LRRC4C: variants seen among roughly 807,000 people sequenced by gnomAD.
The protein encoded by LRRC4C is leucine-rich repeat-containing protein 4C.
Under a neutral mutation model 33.6 loss-of-function variants are expected in LRRC4C, and 5 were observed. The ratio of observed to expected loss-of-function variants is 0.15; its 90% CI spans 0.08 to 0.31. LRRC4C has a LOEUF of 0.31. LRRC4C is among the 10% of genes least tolerant of loss of function. The pLI is 1.00. For missense variants in LRRC4C, 560 were observed against 796.7 expected, an observed-to-expected ratio of 0.70 and a Z score of 3.58; for synonymous variants, 329 against 302.0, an observed-to-expected ratio of 1.09 and a Z score of -0.93.
Position 41,054,544 on chromosome 11 carries a change from A to C in LRRC4C, c.-495-120821T>G, listed in dbSNP as rs149943033. On this transcript the variant is annotated intron_variant, in intron 1 of 6. Coordinates refer to ENST00000528697, the MANE Select transcript of LRRC4C (RefSeq NM_001258419.2). ...TTTACCCATCTGACAAGATGCAAAA[A>C]GAAAAGCAACATAAGTACTTTGAAG... is the stretch of plus-strand genomic sequence containing the variant. Among the ~76,000 whole-genome samples the C allele has an allele frequency of 3.2e-3, 480 of 152,352 alleles. 5 individuals are homozygous for C. Among genetic ancestry groups the C allele is most frequent in the African/African-American group, 0.011 (462 of 41,582 alleles).
intron 3 of LRRC4C, among the ~76,000 whole-genome samples, chr11:40,500,293 TACACACACACACAC>T (rs375005241): frequency 0.011 from 1,056 of 96,842 alleles, 22 homozygotes; most frequent in African/African-American, 0.041. Context: ...TATATATATA[TACACACACACACAC>T]ACACACACAC....
intron 1 of LRRC4C, among the ~76,000 whole-genome samples, chr11:41,078,648 C>T (rs7108576): frequency 0.99 from 150,279 of 152,162 alleles, 74,244 homozygotes; most frequent in East Asian, 1. Flanking sequence ...AAAGGGGAAA[C>T]CCGCCTCCAT....
chr11:40,566,583 G>A (rs1031513162), intron 3 of LRRC4C, among the ~76,000 whole-genome samples: 1 of 151,990 alleles, frequency 6.6e-6, no homozygotes, highest in Non-Finnish European at 1.5e-5. Flanking sequence ...TAAATGAGCA[G>A]GTATGTTTTG....
intron 1 of LRRC4C, among the ~76,000 whole-genome samples, chr11:41,164,039 T>A (rs1944604726): frequency 1.3e-5 from 2 of 152,248 alleles, no homozygotes; most frequent in African/African-American, 4.8e-5. Flanking sequence ...TCAAAATGAT[T>A]GAGATATCAA....
intron 3 of LRRC4C, among the ~76,000 whole-genome samples, chr11:40,612,011 C>T (rs1224655956): frequency 6.6e-6 from 1 of 151,716 alleles, no homozygotes; most frequent in Non-Finnish European, 1.5e-5. Context: ...ATAAAACGAC[C>T]ATATGACCCC....
At chr11:41,219,177 T>C (rs1470816991) in intron 1 of LRRC4C, among the ~76,000 whole-genome samples, 1 of 152,104 alleles carries the variant, frequency 6.6e-6, no homozygotes. Context: ...TAATTATGGG[T>C]AGATTCGTTC....
chr11:40,803,064 A>C (rs1951103103), intron 2 of LRRC4C, among the ~76,000 whole-genome samples: 1 of 152,186 alleles, frequency 6.6e-6, no homozygotes, highest in African/African-American at 2.4e-5. Context: ...TTCTAAAGGA[A>C]AAGGAAGATG....
chr11:40,969,461 AC>A (rs1851572904), intron 1 of LRRC4C, among the ~76,000 whole-genome samples: 1 of 29,662 alleles, frequency 3.4e-5, no homozygotes, highest in African/African-American at 8.4e-5. Context: ...ATCTTACACT[AC>A]AAAAAAAAAA....
At chr11:41,414,501 C>T (rs1954606491) in intron 1 of LRRC4C, among the ~76,000 whole-genome samples, 1 of 152,042 alleles carries the variant, frequency 6.6e-6, no homozygotes, top group Non-Finnish European at 1.5e-5. Context: ...CCCACCCTTG[C>T]CATTGCAAAG....
intron 1 of LRRC4C, among the ~76,000 whole-genome samples, chr11:41,436,841 T>G (rs1955445248): frequency 6.6e-6 from 1 of 152,178 alleles, no homozygotes; most frequent in South Asian, 2.1e-4. Flanking sequence ...CTAGTACTTT[T>G]AACATCCTGA....
intron 1 of LRRC4C, among the ~76,000 whole-genome samples, chr11:41,216,460 T>TAAA (rs75829426): frequency 1.6e-5 from 2 of 128,490 alleles, no homozygotes; most frequent in African/African-American, 2.8e-5. Flanking sequence ...CATTCTTAAG[T>TAAA]AAAAAAAAAA....
chr11:40,229,131 T>C (rs1461299150), intron 5 of LRRC4C, among the ~76,000 whole-genome samples: 2 of 152,220 alleles, frequency 1.3e-5, no homozygotes, highest in Non-Finnish European at 2.9e-5. Context: ...TTCTCTTTTT[T>C]CTACCTATTC....
At chr11:40,257,277 C>T (rs995510929) in intron 4 of LRRC4C, among the ~76,000 whole-genome samples, 3 of 151,948 alleles carry the variant, frequency 2.0e-5, no homozygotes, top group East Asian at 1.9e-4. Flanking sequence ...AAACAAAATA[C>T]GAAAGTATTT....
At chr11:40,619,485 C>T (rs1962217562) in intron 3 of LRRC4C, among the ~76,000 whole-genome samples, 1 of 151,706 alleles carries the variant, frequency 6.6e-6, no homozygotes. Flanking sequence ...ACTCATTTTC[C>T]TTGTCAACTG....
chr11:40,529,935 G>T (rs563751332), intron 3 of LRRC4C, among the ~76,000 whole-genome samples: 3 of 152,184 alleles, frequency 2.0e-5, no homozygotes, highest in Admixed American at 1.3e-4. Flanking sequence ...AAACCTGCGT[G>T]TTGTGCTCAT....
At chr11:41,218,156 T>A (rs548569745) in intron 1 of LRRC4C, among the ~76,000 whole-genome samples, 1 of 151,080 alleles carries the variant, frequency 6.6e-6, no homozygotes, top group African/African-American at 2.4e-5. Flanking sequence ...AAAAAAAAAC[T>A]TTAGTCACCT....
intron 2 of LRRC4C, among the ~76,000 whole-genome samples, chr11:40,881,616 G>T: frequency 6.7e-6 from 1 of 150,366 alleles, no homozygotes; most frequent in Non-Finnish European, 1.5e-5. Context: ...TCATATTTGA[G>T]GATTATTTAG....
chr11:40,157,936 T>A (rs573519003), intron 5 of LRRC4C, among the ~76,000 whole-genome samples: 1 of 152,172 alleles, frequency 6.6e-6, no homozygotes, highest in South Asian at 2.1e-4. Flanking sequence ...GGAAAAGAAG[T>A]CATTATTTGA....
intron 1 of LRRC4C, among the ~76,000 whole-genome samples, chr11:41,128,534 T>A (rs748264259): frequency 2.0e-4 from 31 of 152,052 alleles, no homozygotes; most frequent in Admixed American, 1.8e-3. Context: ...CTTGAACAAA[T>A]CACAACTTTC....
Sources: allele counts gnomAD v4.1 joint callset (sites outside exome capture counted in the v4.1 genomes callset), GRCh38; gene constraint gnomAD v4.1.1; transcripts MANE v1.5; gene names NCBI Gene and HGNC (gene_info 2026-07-23, HGNC 2026-07-21).